Variants in RTRAF observed in about 807,000 individuals in gnomAD.
RTRAF encodes tRNA-splicing ligase complex subunit RTRAF.
A neutral mutation model predicts 34.4 loss-of-function variants in RTRAF; 14 were observed. The observed-to-expected ratio is 0.41, with a 90% CI of 0.27 to 0.64. RTRAF has a LOEUF of 0.64. Among genes scored for constraint, RTRAF ranks in the 30% least tolerant of loss-of-function variants. The pLI is 0.34. For synonymous variants in RTRAF, 96 were observed against 95.3 expected, an observed-to-expected ratio of 1.01 and a Z score of -0.04; for missense variants, 291 against 288.4, an observed-to-expected ratio of 1.01 and a Z score of -0.06.
rs1214123863 is a variant in RTRAF, at chr14:52,006,480, G to T, written c.*1964G>T. Reference sequence around the variant, plus strand: ...GTACTGACTTTTGGTAAAACAAGTGGTGTGTCCTCTGGAACAGTTGGCCTT... The same window carrying T: ...GTACTGACTTTTGGTAAAACAAGTGTTGTGTCCTCTGGAACAGTTGGCCTT... On this transcript the variant is annotated 3_prime_UTR_variant, in exon 8 of 8. Coordinates refer to ENST00000261700, the MANE Select transcript of RTRAF (RefSeq NM_016039.3). 4 of 1,604,280 alleles carry T rather than the reference G, an allele frequency of 2.5e-6. No individual in the cohort carries two copies. The highest frequency in any genetic ancestry group is 3.4e-6 in the Non-Finnish European group (4 of 1,174,056).
chr14:51,990,024 A>G (rs1352054212), intron 1 of RTRAF, among the ~76,000 whole-genome samples: 3 of 152,206 alleles, frequency 2.0e-5, no homozygotes, highest in African/African-American at 7.2e-5. Flanking sequence ...TTCCCTGGGT[A>G]ATTAGGCGAT....
At chr14:52,004,158 C>CATAA (rs1491491298) in intron 6 of RTRAF, 36 bp from the exon 7 acceptor site, 6 of 1,564,688 alleles carry the variant, frequency 3.8e-6, no homozygotes, top group Non-Finnish European at 5.3e-6. Context: ...TATTCTTAAC[C>CATAA]ATAAATACTC....
chr14:52,004,509 G>A lies in RTRAF; in HGVS notation c.728G>A (p.Gly243Glu). 6.2e-7 allele frequency: 1 copy of A among 1,612,738 alleles called. No individual in the cohort carries two copies. The highest frequency in any genetic ancestry group is 8.5e-7 in the Non-Finnish European group (1 of 1,179,654). The part of the protein sequence containing the change: ...PKTDHRLGKV[G>E]R ...ACAGACCACAGACTGGGAAAAGTTG[G>A]AAGATGAACACTTGAGGACTTCAGC... is the stretch of plus-strand genomic sequence containing the variant. Residue 243 changes from glycine (G) to glutamate (E), a missense_variant, in exon 8 of 8, where the codon GGA becomes GAA. By Grantham distance (98) the Gly-to-Glu change is moderately conservative. Transcript: ENST00000261700.
chr14:52,001,245 T>C (rs1890597866), intron 5 of RTRAF, among the ~76,000 whole-genome samples: 1 of 152,218 alleles, frequency 6.6e-6, no homozygotes, highest in African/African-American at 2.4e-5. Context: ...TTTTTAAGTG[T>C]GTATGGATAC....
chr14:51,999,833 G>A (rs775500422), intron 5 of RTRAF, 37 bp downstream of exon 5: 15 of 1,443,524 alleles, frequency 1.0e-5, no homozygotes, highest in Non-Finnish European at 1.4e-5. Flanking sequence ...CAGAAACTGT[G>A]CACATAGAAA....
At chr14:51,996,106 T>C (rs1375695341) in intron 3 of RTRAF, among the ~76,000 whole-genome samples, 1 of 152,134 alleles carries the variant, frequency 6.6e-6, no homozygotes, top group African/African-American at 2.4e-5. Flanking sequence ...AGTAAGTACA[T>C]GTATTTCTCA....
At chr14:51,997,058 G>A (rs1181573415) in intron 3 of RTRAF, among the ~76,000 whole-genome samples, 3 of 151,962 alleles carry the variant, frequency 2.0e-5, no homozygotes, top group Non-Finnish European at 2.9e-5. Flanking sequence ...TAGGAGATAC[G>A]TGATAGCGAT....
At chr14:52,000,840 G>C (rs1311512046) in intron 5 of RTRAF, among the ~76,000 whole-genome samples, 1 of 152,166 alleles carries the variant, frequency 6.6e-6, no homozygotes, top group Non-Finnish European at 1.5e-5. Context: ...AAGTAAGTGA[G>C]AGGAGAGTCA....
At chr14:52,001,125 A>G (rs1450672510) in intron 5 of RTRAF, among the ~76,000 whole-genome samples, 3 of 152,218 alleles carry the variant, frequency 2.0e-5, no homozygotes, top group Non-Finnish European at 2.9e-5. Context: ...TCGGTTTTTC[A>G]AAGATAGCAT....
Position 52,006,103 on chromosome 14 carries a change from A to C in RTRAF, c.*1587A>C. 2.1e-6 allele frequency: 1 copy of C among 484,014 alleles called. No individual in the cohort carries two copies. The highest frequency in any genetic ancestry group is 1.9e-5 in the African/African-American group (1 of 51,516). 30.0% of individuals were successfully genotyped at this position (484,014 alleles called of 1,614,324 possible). On this transcript the variant is annotated 3_prime_UTR_variant, in exon 8 of 8. Coordinates refer to ENST00000261700, the MANE Select transcript of RTRAF (RefSeq NM_016039.3). ...GCATGGTGTAAAGGGCTTAGACTTTAATGTTCCACAGTTCCTCATTTGAGA... is the reference window on the plus strand; with the variant it reads ...GCATGGTGTAAAGGGCTTAGACTTTCATGTTCCACAGTTCCTCATTTGAGA...
intron 1 of RTRAF, 56 bp downstream of exon 1, chr14:51,989,756 C>T (rs1890395556): frequency 6.6e-7 from 1 of 1,518,814 alleles, no homozygotes; most frequent in African/African-American, 1.4e-5. Flanking sequence ...GAGGTCCCAG[C>T]CTCAGTGCCC....
In RTRAF at chr14:52,003,748, G is replaced by A. The variant is rs201466837; in HGVS notation, c.532-446G>A. ...CATAATCTTGGCAAACACCATGCTG[G>A]CTGAAAGGTTCGTACAATTTGTAAA... On this transcript the variant is annotated intron_variant, in intron 6 of 7. Coordinates refer to ENST00000261700, the MANE Select transcript of RTRAF (RefSeq NM_016039.3). Among the ~76,000 whole-genome samples the A allele has an allele frequency of 7.2e-5, 11 of 152,266 alleles. No homozygotes were observed. In the East Asian group the frequency reaches 2.1e-3, roughly 29 times the overall value.
rs759295171 is a variant in RTRAF at position 51,989,705 on chromosome 14, G to C, written c.61+5G>C. On this transcript the variant is annotated splice_donor_5th_base_variant and intron_variant, in intron 1 of 7. Coordinates refer to ENST00000261700, the MANE Select transcript of RTRAF (RefSeq NM_016039.3). The stretch of plus-strand genomic sequence containing the variant: ...CCGCCGGCTTCAACTGCAAAGGTGA[G>C]GCGGCGGCCTCAGCCCGGCCGCGTG... 2 of 1,598,692 alleles carry C rather than the reference G, an allele frequency of 1.3e-6. No homozygotes were observed. The highest frequency in any genetic ancestry group is 1.7e-6 in the Non-Finnish European group (2 of 1,173,420).
At chr14:51,998,940 G>A (rs1890563818) in intron 4 of RTRAF, among the ~76,000 whole-genome samples, 1 of 151,882 alleles carries the variant, frequency 6.6e-6, no homozygotes, top group Non-Finnish European at 1.5e-5. Context: ...ATATCTTTTA[G>A]TAATTTCCCT....
At position 52,006,470 on chromosome 14, in the gene RTRAF, A is replaced by T; in HGVS notation, c.*1954A>T. On this transcript the variant is annotated 3_prime_UTR_variant, in exon 8 of 8. Transcript: ENST00000261700. Reference sequence around the variant, plus strand: ...GTCAAGTCAGGTACTGACTTTTGGTAAAACAAGTGGTGTGTCCTCTGGAAC... The same window carrying T: ...GTCAAGTCAGGTACTGACTTTTGGTTAAACAAGTGGTGTGTCCTCTGGAAC... The T allele has an allele frequency of 1.9e-6, 3 of 1,583,926 alleles. No individual in the cohort carries two copies. Among genetic ancestry groups the T allele is most frequent in the Non-Finnish European group, 2.6e-6 (3 of 1,162,890 alleles).
In RTRAF at chr14:51,993,726, C is replaced by G. The variant is rs200927784; in HGVS notation, c.190C>G (p.Leu64Val). Residue 64 changes from leucine (L) to valine (V), a missense_variant, in exon 3 of 8, where the codon CTC (leucine) becomes GTC (valine). Transcript: ENST00000261700. ...SDWPKFFEKY[L>V]RDVNCPFKIQ... ...TTTCTTTTCTTCCCCCTCACAGTATCTCAGAGATGTTAACTGTCCTTTCAA... is the reference window on the plus strand; with the variant it reads ...TTTCTTTTCTTCCCCCTCACAGTATGTCAGAGATGTTAACTGTCCTTTCAA... 1.1e-5 allele frequency: 18 copies of G among 1,578,178 alleles called. No individual in the cohort carries two copies. Among genetic ancestry groups the G allele is most frequent in the Non-Finnish European group, 1.4e-5 (16 of 1,154,830 alleles).
In RTRAF at chr14:52,004,471, T is replaced by C; in HGVS notation, c.690T>C (p.Ile230=). The change falls in exon 8 of 8, where the codon ATT becomes ATC. Residue 230 remains isoleucine, a synonymous_variant. Coordinates refer to ENST00000261700, the MANE Select transcript of RTRAF (RefSeq NM_016039.3). ...NEAIVAVQAI[I]ADPKTDHRLG... ...CCATAGTAGCTGTTCAGGCAATTAT[T>C]GCTGATCCAAAGACAGACCACAGAC... is the stretch of plus-strand genomic sequence containing the variant. 1 of 1,613,982 alleles carries C rather than the reference T, an allele frequency of 6.2e-7. No homozygotes were observed. The highest frequency in any genetic ancestry group is 1.7e-4 in the Middle Eastern group (1 of 6,044).
Position 52,001,847 on chromosome 14 carries a change from A to G in RTRAF, c.512A>G (p.Lys171Arg). The G allele has an allele frequency of 6.2e-7, 1 of 1,609,648 alleles. No homozygotes were observed. The highest frequency in any genetic ancestry group is 8.5e-7 in the Non-Finnish European group (1 of 1,178,820). ...CGCCTGACACAGGATGCAGTTGCTA[A>G]GGCAAATCAAACAAAAGAGGTACGT... ...QERLTQDAVA[K>R]ANQTKEGLPV... The change falls in exon 6 of 8, where the codon AAG (lysine) becomes AGG (arginine). Residue 171 changes from lysine to arginine, a missense_variant. Transcript: ENST00000261700.
Position 52,005,533 on chromosome 14 carries a change from G to A in RTRAF, c.*1017G>A, listed in dbSNP as rs1183644799. 4 of 1,590,696 alleles carry A rather than the reference G, an allele frequency of 2.5e-6. No homozygotes were observed. Among genetic ancestry groups the A allele is most frequent in the Non-Finnish European group, 3.4e-6 (4 of 1,170,646 alleles). On this transcript the variant is annotated 3_prime_UTR_variant, in exon 8 of 8. Transcript: ENST00000261700. ...GAGCAGGGGTGGGACAGGGTGGTGGGTGAGTATATTGTAACCAAGTTGCAA... is the reference window on the plus strand; with the variant it reads ...GAGCAGGGGTGGGACAGGGTGGTGGATGAGTATATTGTAACCAAGTTGCAA...
Sources: allele counts gnomAD v4.1 joint callset (sites outside exome capture counted in the v4.1 genomes callset), GRCh38; gene constraint gnomAD v4.1.1; transcripts MANE v1.5; gene names NCBI Gene and HGNC (gene_info 2026-07-23, HGNC 2026-07-21).